The following CSMD3 variants were observed in gnomAD, a reference collection of about 807,000 sequenced individuals.
CSMD3 encodes the protein CUB and Sushi multiple domains 3.
In CSMD3, 177 loss-of-function variants were observed where a neutral mutation model predicts 435.2. The ratio of observed to expected loss-of-function variants is 0.41; its 90% confidence interval spans 0.36 to 0.46. The LOEUF is 0.46. Ranked by LOEUF, CSMD3 falls within the 20% of genes least tolerant of loss-of-function variation. CSMD3 has a pLI of 0.34. For synonymous variants in CSMD3, 1,656 were observed against 1,520.5 expected (o/e 1.09, Z -2.07); for missense variants, 4,265 against 4,504.6 (o/e 0.95, Z 1.52).
chr8:112,942,320 A>C (rs2130772348), intron 9 of CSMD3, among the ~76,000 whole-genome samples: 1 of 151,756 alleles, frequency 6.6e-6, no homozygotes, highest in African/African-American at 2.4e-5. Flanking sequence ...AATTTCTCAA[A>C]GAACTTAGAA....
chr8:112,865,962 T>G (rs2080969482), intron 10 of CSMD3, among the ~76,000 whole-genome samples: 1 of 152,284 alleles, frequency 6.6e-6, no homozygotes, highest in South Asian at 2.1e-4. Context: ...TTGGTAGCAA[T>G]TCAAGCTTCT....
chr8:112,606,683 C>A (rs571993302), intron 22 of CSMD3, among the ~76,000 whole-genome samples: 1 of 152,000 alleles, frequency 6.6e-6, no homozygotes, highest in Non-Finnish European at 1.5e-5. Flanking sequence ...GAAGTTATAC[C>A]AAGGACCTTT....
intron 22 of CSMD3, among the ~76,000 whole-genome samples, chr8:112,594,977 C>A (rs1383616448): frequency 1.3e-5 from 2 of 152,114 alleles, no homozygotes; most frequent in Non-Finnish European, 2.9e-5. Context: ...TCCAAAGGAA[C>A]GCAGTTCCTC....
intron 5 of CSMD3, among the ~76,000 whole-genome samples, chr8:113,020,731 A>C (rs1389046239): frequency 6.6e-6 from 1 of 152,186 alleles, no homozygotes. Context: ...CAGCTGATTT[A>C]TTATACTATG....
At chr8:113,133,945 A>G (rs1298205161) in intron 4 of CSMD3, among the ~76,000 whole-genome samples, 1 of 152,068 alleles carries the variant, frequency 6.6e-6, no homozygotes, top group Non-Finnish European at 1.5e-5. Context: ...TCAGATTTGC[A>G]CTATGAAATG....
At chr8:113,417,155 ATAAC>A (rs2094585411) in intron 1 of CSMD3, among the ~76,000 whole-genome samples, 1 of 152,084 alleles carries the variant, frequency 6.6e-6, no homozygotes, top group Non-Finnish European at 1.5e-5. Flanking sequence ...ATGTCGCACT[ATAAC>A]TAGTCCTCCA....
At chr8:112,916,979 T>C (rs2082591043) in intron 10 of CSMD3, among the ~76,000 whole-genome samples, 1 of 151,874 alleles carries the variant, frequency 6.6e-6, no homozygotes, top group Non-Finnish European at 1.5e-5. Context: ...AAACATGAGT[T>C]AGTGAGGGTC....
intron 11 of CSMD3, among the ~76,000 whole-genome samples, chr8:112,831,039 G>A (rs1028866426): frequency 7.2e-5 from 11 of 151,860 alleles, no homozygotes; most frequent in East Asian, 1.9e-4. Context: ...CGCCCACCTC[G>A]GCCTCCCAAA....
At chr8:112,673,515 T>C (rs2075704595) in intron 16 of CSMD3, among the ~76,000 whole-genome samples, 1 of 152,134 alleles carries the variant, frequency 6.6e-6, no homozygotes, top group South Asian at 2.1e-4. Flanking sequence ...CATTGTTAGA[T>C]ATAAATATAT....
chr8:112,322,547 A>C (rs1264626320), intron 45 of CSMD3, among the ~76,000 whole-genome samples: 1 of 152,138 alleles, frequency 6.6e-6, no homozygotes. Flanking sequence ...CAATTGTATA[A>C]ATTTGAATTC....
At chr8:113,421,648 C>T (rs2927872) in intron 1 of CSMD3, among the ~76,000 whole-genome samples, 32,804 of 151,934 alleles carry the variant, frequency 0.22, 4,219 homozygotes, top group Non-Finnish European at 0.3. Context: ...AAATAGGATT[C>T]GGAACCAAGG....
chr8:112,600,376 C>T (rs907812555), intron 22 of CSMD3, among the ~76,000 whole-genome samples: 2 of 151,960 alleles, frequency 1.3e-5, no homozygotes, highest in Non-Finnish European at 2.9e-5. Flanking sequence ...GCATATTGGG[C>T]CAAGAGTATT....
chr8:112,337,095 A>G (rs1231212635), intron 43 of CSMD3, among the ~76,000 whole-genome samples: 1 of 152,176 alleles, frequency 6.6e-6, no homozygotes, highest in African/African-American at 2.4e-5. Context: ...TATTATTTAA[A>G]TATTTTATAT....
rs780011213 is a variant in CSMD3 at position 112,247,077 on chromosome 8, T to C, written c.10165A>G (p.Thr3389Ala). ...CKKGHLLQGS[T>A]TRTCLPDLTW... ...AGATCAGGGAGGCAGGTGCGTGTTGTAGACCCTTGGAGAAGGTGTCCTTTT... is the reference window on the plus strand; with the variant it reads ...AGATCAGGGAGGCAGGTGCGTGTTGCAGACCCTTGGAGAAGGTGTCCTTTT... The change falls in exon 64 of 71, where the codon ACA (threonine) becomes GCA (alanine). Residue 3389 changes from threonine (T) to alanine (A), a missense_variant. Thr to Ala is a moderately conservative substitution (Grantham distance 58, BLOSUM62 0). This residue lies in a region of CSMD3 where 3,255 missense variants were observed against 3,380.2 expected (regional missense o/e 0.96). Transcript: ENST00000297405. The C allele has an allele frequency of 4.7e-5, 76 of 1,613,918 alleles. 2 individuals are homozygous for C. The South Asian group carries it at 7.5e-4, about 16-fold the overall frequency.
At chr8:113,278,453 G>T in intron 3 of CSMD3, 139 bp downstream of exon 3, 1 of 657,016 alleles carries the variant, frequency 1.5e-6, no homozygotes, top group Non-Finnish European at 2.8e-6. Context: ...ATACATTAAT[G>T]ATTAATAACA....
intron 8 of CSMD3, among the ~76,000 whole-genome samples, chr8:112,949,576 C>T (rs2083736491): frequency 1.3e-5 from 2 of 152,154 alleles, no homozygotes; most frequent in Middle Eastern, 6.8e-3. Flanking sequence ...TTTCAATGGC[C>T]TATTTGATTA....
At chr8:113,436,437 G>A (rs1469042042) in intron 1 of CSMD3, among the ~76,000 whole-genome samples, 2 of 152,160 alleles carry the variant, frequency 1.3e-5, no homozygotes, top group African/African-American at 2.4e-5. Context: ...TCACGTATTC[G>A]TTTGAGCATA....
intron 32 of CSMD3, among the ~76,000 whole-genome samples, chr8:112,430,595 T>C (rs1813556642): frequency 6.6e-6 from 1 of 152,020 alleles, no homozygotes; most frequent in African/African-American, 2.4e-5. Context: ...ATTTATTATA[T>C]GAATATCAAT....
At chr8:112,984,523 T>C (rs2085176001) in intron 6 of CSMD3, among the ~76,000 whole-genome samples, 1 of 152,092 alleles carries the variant, frequency 6.6e-6, no homozygotes, top group African/African-American at 2.4e-5. Flanking sequence ...CTTTCTACTC[T>C]AGAAGTAGAA....
Sources: allele counts gnomAD v4.1 joint callset (sites outside exome capture counted in the v4.1 genomes callset), GRCh38; gene constraint gnomAD v4.1.1; regional missense constraint gnomAD v4.1.1; transcripts MANE v1.5; gene names NCBI Gene and HGNC (gene_info 2026-07-23, HGNC 2026-07-21).